MCC: variants seen among roughly 807,000 people sequenced by gnomAD.
MCC encodes colorectal mutant cancer protein.
Under a neutral mutation model 116.2 loss-of-function variants are expected in MCC, and 90 were observed. The ratio of observed to expected loss-of-function variants is 0.77; its 90% CI spans 0.65 to 0.92. MCC has a LOEUF of 0.92. Ranked by LOEUF, MCC falls within the 40% of genes least tolerant of loss-of-function variation. The probability of loss-of-function intolerance (pLI) is 0.00; values close to 1 mark genes in which losing one functional copy is unlikely to be tolerated. For missense variants in MCC, 1,516 were observed against 1,312.2 expected (o/e 1.16, Z -2.40); for synonymous variants, 578 against 510.5 (o/e 1.13, Z -1.78).
intron 1 of MCC, among the ~76,000 whole-genome samples, chr5:113,416,100 G>A (rs1175345798): frequency 6.6e-6 from 1 of 152,180 alleles, no homozygotes; most frequent in African/African-American, 2.4e-5. Flanking sequence ...CACCAGCAGA[G>A]GCTCAGTTGG....
chr5:113,209,605 T>C (rs1356507604), intron 3 of MCC, among the ~76,000 whole-genome samples: 1 of 152,204 alleles, frequency 6.6e-6, no homozygotes, highest in Admixed American at 6.5e-5. Flanking sequence ...AAATATTTTA[T>C]ATCAAGTTGT....
At chr5:113,435,038 A>C in intron 1 of MCC, 2 of 609,726 alleles carry the variant, frequency 3.3e-6, no homozygotes. Context: ...TGAAGTCACA[A>C]AGGAGGAGTG....
intron 3 of MCC, among the ~76,000 whole-genome samples, chr5:113,218,097 G>A (rs1460923288): frequency 6.9e-6 from 1 of 144,462 alleles, no homozygotes; most frequent in Non-Finnish European, 1.5e-5. Context: ...GTTGCACGGG[G>A]GTGGGGGTGA....
chr5:113,353,449 A>T (rs559741355), intron 2 of MCC, among the ~76,000 whole-genome samples: 9 of 152,358 alleles, frequency 5.9e-5, no homozygotes, highest in African/African-American at 1.9e-4. Flanking sequence ...TGAAAAAAAT[A>T]AAGATTATAC....
chr5:113,211,691 T>C (rs1763141170), intron 3 of MCC, among the ~76,000 whole-genome samples: 1 of 152,246 alleles, frequency 6.6e-6, no homozygotes. Context: ...TGTGTACTTT[T>C]GTATGTGGGA....
intron 6 of MCC, among the ~76,000 whole-genome samples, chr5:113,107,757 G>A (rs1442644147): frequency 6.6e-6 from 1 of 152,146 alleles, no homozygotes; most frequent in African/African-American, 2.4e-5. Flanking sequence ...CCTAGCGCAG[G>A]TCCACCTGAT....
intron 3 of MCC, among the ~76,000 whole-genome samples, chr5:113,215,185 G>A (rs1763265647): frequency 6.6e-6 from 1 of 152,132 alleles, no homozygotes; most frequent in Non-Finnish European, 1.5e-5. Flanking sequence ...ATCCTCTTTA[G>A]GTCTCTGCTG....
At chr5:113,264,287 C>T (rs1765331902) in intron 3 of MCC, among the ~76,000 whole-genome samples, 1 of 152,134 alleles carries the variant, frequency 6.6e-6, no homozygotes, top group Non-Finnish European at 1.5e-5. Flanking sequence ...AATACGAAAA[C>T]GGCATCTGCC....
chr5:113,168,631 C>G (rs901558427), intron 3 of MCC, among the ~76,000 whole-genome samples: 14 of 152,048 alleles, frequency 9.2e-5, no homozygotes, highest in African/African-American at 3.4e-4. Flanking sequence ...AGGCACAAAA[C>G]CCTTGTGGTT....
At chr5:113,341,340 T>A (rs985448680) in intron 2 of MCC, among the ~76,000 whole-genome samples, 1 of 151,766 alleles carries the variant, frequency 6.6e-6, no homozygotes, top group African/African-American at 2.4e-5. Context: ...GTGATCCTCC[T>A]GCCTCATTAA....
chr5:113,396,627 T>C (rs1401806342), intron 1 of MCC, among the ~76,000 whole-genome samples: 1 of 152,082 alleles, frequency 6.6e-6, no homozygotes, highest in Non-Finnish European at 1.5e-5. Flanking sequence ...CAAACCATAT[T>C]GTGGTCATTT....
intron 8 of MCC, among the ~76,000 whole-genome samples, chr5:113,091,220 GACTCCAA>G (rs1426374794): frequency 6.6e-6 from 1 of 152,178 alleles, no homozygotes; most frequent in African/African-American, 2.4e-5. Context: ...CATACTGTGG[GACTCCAA>G]ACTTGACATG....
intron 3 of MCC, among the ~76,000 whole-genome samples, chr5:113,313,182 TA>T (rs1767179369): frequency 6.6e-6 from 1 of 151,964 alleles, no homozygotes; most frequent in East Asian, 1.9e-4. Context: ...CCGTCTCTAC[TA>T]AAAATACCAA....
Position 113,207,700 on chromosome 5 carries a change from A to G in MCC, c.628-56278T>C, listed in dbSNP as rs373264874. ...AAATATGAGCACATTTACAAAAATT[A>G]TACTCACACACCTTTTCAGAGTTAT... On this transcript the variant is annotated intron_variant, in intron 3 of 18. Transcript: ENST00000408903. Among the ~76,000 whole-genome samples, 48 of 152,318 alleles carry G rather than the reference A, an allele frequency of 3.2e-4. 1 individual carries two copies. Among genetic ancestry groups the G allele is most frequent in the African/African-American group, 1.1e-3 (46 of 41,564 alleles).
chr5:113,466,414 A>G (rs1197345376), intron 1 of MCC, among the ~76,000 whole-genome samples: 12 of 139,448 alleles, frequency 8.6e-5, no homozygotes, highest in African/African-American at 3.3e-4. Flanking sequence ...ATTCCCACCT[A>G]TGAGTGAGAA....
chr5:113,386,182 T>C (rs907727340), intron 1 of MCC, among the ~76,000 whole-genome samples: 9 of 152,142 alleles, frequency 5.9e-5, no homozygotes, highest in African/African-American at 2.4e-5. Flanking sequence ...GAAGAGACAT[T>C]AGAAATTTGT....
chr5:113,392,158 G>A (rs572016719), intron 1 of MCC, among the ~76,000 whole-genome samples: 1 of 152,138 alleles, frequency 6.6e-6, no homozygotes, highest in South Asian at 2.1e-4. Context: ...TTGAGGCCAG[G>A]AGTTCAAGGC....
chr5:113,034,397 G>A (rs1044019137), intron 17 of MCC, among the ~76,000 whole-genome samples: 4 of 152,300 alleles, frequency 2.6e-5, no homozygotes, highest in Admixed American at 1.3e-4. Flanking sequence ...GTGCGGCTTC[G>A]TGAGCCATCA....
intron 5 of MCC, among the ~76,000 whole-genome samples, chr5:113,138,216 G>C (rs1758954290): frequency 6.6e-6 from 1 of 152,028 alleles, no homozygotes; most frequent in African/African-American, 2.4e-5. Context: ...GGGGTGTGTT[G>C]GCTAGGCTGA....
Sources: allele counts gnomAD v4.1 joint callset (sites outside exome capture counted in the v4.1 genomes callset), GRCh38; gene constraint gnomAD v4.1.1; transcripts MANE v1.5; gene names NCBI Gene and HGNC (gene_info 2026-07-23, HGNC 2026-07-21).